FRMD4A: variants seen among roughly 807,000 people sequenced by gnomAD.
FRMD4A encodes the protein FERM domain-containing protein 4A.
FRMD4A carries 29 observed loss-of-function variants against 129.1 expected under a neutral mutation model. The ratio of observed to expected loss-of-function variants is 0.22; its 90% confidence interval spans 0.17 to 0.31. The LOEUF (loss-of-function observed/expected upper bound fraction) is 0.31. Among genes scored for constraint, FRMD4A ranks in the 10% least tolerant of loss-of-function variants. The probability of loss-of-function intolerance (pLI) is 1.00; values close to 1 mark genes in which losing one functional copy is unlikely to be tolerated. For synonymous variants in FRMD4A, 634 were observed against 571.6 expected, an observed-to-expected ratio of 1.11 and a Z score of -1.56; for missense variants, 1,272 against 1,375.8, an observed-to-expected ratio of 0.92 and a Z score of 1.19.
chr10:14,282,875 T>C (rs1469117329), intron 2 of FRMD4A, among the ~76,000 whole-genome samples: 1 of 152,218 alleles, frequency 6.6e-6, no homozygotes, highest in Non-Finnish European at 1.5e-5. Flanking sequence ...GGACACCTTA[T>C]TACATAGACT....
At chr10:13,665,733 G>T (rs2082978659) in intron 18 of FRMD4A, among the ~76,000 whole-genome samples, 1 of 152,186 alleles carries the variant, frequency 6.6e-6, no homozygotes, top group African/African-American at 2.4e-5. Context: ...TGTCCTTCCA[G>T]ACTTGAGTAG....
intron 2 of FRMD4A, among the ~76,000 whole-genome samples, chr10:14,102,745 C>T (rs1837372977): frequency 7.0e-6 from 1 of 143,496 alleles, no homozygotes; most frequent in Non-Finnish European, 1.5e-5. Flanking sequence ...TCTAGTACAA[C>T]TTTCTTGAGT....
chr10:14,207,686 C>CACACA (rs372682175), intron 2 of FRMD4A, among the ~76,000 whole-genome samples: 1 of 145,842 alleles, frequency 6.9e-6, no homozygotes, highest in Non-Finnish European at 1.5e-5. Flanking sequence ...TCCTAGGTAA[C>CACACA]CACACACACA....
At chr10:13,910,088 T>C (rs997700192) in intron 2 of FRMD4A, among the ~76,000 whole-genome samples, 1 of 152,354 alleles carries the variant, frequency 6.6e-6, no homozygotes, top group East Asian at 1.9e-4. Context: ...GGCTTTGTAA[T>C]GTGACTGTGA....
chr10:13,882,141 T>C (rs2094554452), intron 2 of FRMD4A, among the ~76,000 whole-genome samples: 1 of 151,740 alleles, frequency 6.6e-6, no homozygotes. Context: ...GAATGCAGGG[T>C]GCTGAGGTGG....
intron 2 of FRMD4A, among the ~76,000 whole-genome samples, chr10:13,924,377 C>T (rs1199740622): frequency 6.6e-6 from 1 of 151,576 alleles, no homozygotes; most frequent in East Asian, 2.0e-4. Context: ...CCTTTCTACC[C>T]CATCTTATCT....
In FRMD4A at chr10:13,884,101, G is replaced by A. The variant is rs1471632452; in HGVS notation, c.46-25189C>T. Reference sequence around the variant, plus strand: ...GTTGAGTGGTTGATGCAATGGAAAAGAAACACACACACACACACACTCACA... The same window carrying A: ...GTTGAGTGGTTGATGCAATGGAAAAAAAACACACACACACACACACTCACA... On this transcript the variant is annotated intron_variant, in intron 2 of 24. Transcript: ENST00000357447. Among the ~76,000 whole-genome samples, 3 of 75,800 alleles carry A rather than the reference G, an allele frequency of 4.0e-5. No homozygotes were observed. In the South Asian group the frequency reaches 1.7e-3, roughly 43 times the overall value. The allele number at this position is 75,800 out of a possible 152,430, so 49.7% of individuals were successfully genotyped here.
chr10:13,747,348 C>T (rs1019297019), intron 9 of FRMD4A, among the ~76,000 whole-genome samples: 2 of 151,592 alleles, frequency 1.3e-5, no homozygotes, highest in Non-Finnish European at 2.9e-5. Flanking sequence ...ACCAGCCTGG[C>T]CAACATGGTG....
At chr10:13,918,096 G>C (rs780338528) in intron 2 of FRMD4A, among the ~76,000 whole-genome samples, 1 of 152,208 alleles carries the variant, frequency 6.6e-6, no homozygotes, top group Non-Finnish European at 1.5e-5. Flanking sequence ...CCCCAGCACT[G>C]AGATTTATTC....
At chr10:14,148,815 C>T (rs10796161) in intron 2 of FRMD4A, among the ~76,000 whole-genome samples, 75,841 of 151,680 alleles carry the variant, frequency 0.5, 19,725 homozygotes, top group African/African-American at 0.65. Flanking sequence ...ACCCTGTTTC[C>T]AGGAGGACTT....
intron 2 of FRMD4A, among the ~76,000 whole-genome samples, chr10:14,063,391 T>C (rs1362318157): frequency 2.6e-5 from 4 of 152,152 alleles, no homozygotes; most frequent in Non-Finnish European, 5.9e-5. Context: ...TGCTGTGCCA[T>C]TTACATTTAT....
intron 2 of FRMD4A, among the ~76,000 whole-genome samples, chr10:14,194,756 A>G (rs1232663856): frequency 6.6e-6 from 1 of 152,024 alleles, no homozygotes; most frequent in Non-Finnish European, 1.5e-5. Context: ...AGCACGTAAA[A>G]TCTTCTTTTG....
chr10:13,898,048 C>A (rs1044754278), intron 2 of FRMD4A, among the ~76,000 whole-genome samples: 2 of 151,688 alleles, frequency 1.3e-5, no homozygotes, highest in Non-Finnish European at 2.9e-5. Context: ...AGTCCTTTTG[C>A]CCCAAGCACC....
chr10:14,123,669 T>G lies in FRMD4A; in HGVS notation c.45+206389A>C, dbSNP rs554710858. Among the ~76,000 whole-genome samples, 4 of 152,340 alleles carry G rather than the reference T, an allele frequency of 2.6e-5. No homozygotes were observed. The South Asian group carries it at 8.3e-4, about 32-fold the overall frequency. ...AAAGTCTTGACATATACTAGAAGTC[T>G]CATTCACCTTTCAGAGCCTTCAAGA... is the stretch of plus-strand genomic sequence containing the variant. On this transcript the variant is annotated intron_variant, in intron 2 of 24. Transcript: ENST00000357447.
chr10:13,854,591 T>C (rs1191413056), intron 3 of FRMD4A, among the ~76,000 whole-genome samples: 1 of 151,114 alleles, frequency 6.6e-6, no homozygotes, highest in Non-Finnish European at 1.5e-5. Flanking sequence ...GAGCTATTTT[T>C]TTTTTTTTTT....
chr10:13,760,670 A>C (rs2092033356), intron 8 of FRMD4A, among the ~76,000 whole-genome samples: 1 of 152,226 alleles, frequency 6.6e-6, no homozygotes, highest in Admixed American at 6.5e-5. Context: ...CTGCATTTAC[A>C]GATAAAATCC....
intron 2 of FRMD4A, among the ~76,000 whole-genome samples, chr10:14,309,466 C>T (rs187135168): frequency 6.6e-6 from 1 of 151,978 alleles, no homozygotes; most frequent in Non-Finnish European, 1.5e-5. Context: ...AAAAACAAAA[C>T]AAAACAAACA....
intron 4 of FRMD4A, among the ~76,000 whole-genome samples, chr10:13,799,648 T>C (rs1342844885): frequency 6.6e-6 from 1 of 152,188 alleles, no homozygotes; most frequent in African/African-American, 2.4e-5. Context: ...ACACCATGTG[T>C]ATGGCATGCG....
At chr10:13,917,916 G>C (rs557035782) in intron 2 of FRMD4A, among the ~76,000 whole-genome samples, 22 of 152,262 alleles carry the variant, frequency 1.4e-4, no homozygotes, top group African/African-American at 4.3e-4. Context: ...GGATCTCAAA[G>C]AGCTGCAGGA....
Sources: allele counts gnomAD v4.1 joint callset (sites outside exome capture counted in the v4.1 genomes callset), GRCh38; gene constraint gnomAD v4.1.1; transcripts MANE v1.5; gene names NCBI Gene and HGNC (gene_info 2026-07-23, HGNC 2026-07-21).